LRP11: variants seen among roughly 807,000 people sequenced by gnomAD.
LRP11 encodes low-density lipoprotein receptor-related protein 11.
In LRP11, 25 loss-of-function variants were observed where a neutral mutation model predicts 43.1. The observed-to-expected ratio is 0.58, with a 90% CI of 0.42 to 0.81. The LOEUF (loss-of-function observed/expected upper bound fraction) is 0.81. LRP11 is among the 30% of genes least tolerant of loss of function. LRP11 has a pLI of 0.00. For missense variants in LRP11, 623 were observed against 665.1 expected, an observed-to-expected ratio of 0.94 and a Z score of 0.70; for synonymous variants, 316 against 299.4, an observed-to-expected ratio of 1.06 and a Z score of -0.57.
Position 149,832,869 on chromosome 6 carries a change from T to G in LRP11, c.1252+3216A>C, listed in dbSNP as rs866721998. 2.1e-4 allele frequency among the ~76,000 whole-genome samples: 31 copies of G among 150,868 alleles called. 1 individual carries two copies. In the Middle Eastern group the frequency reaches 0.028, roughly 135 times the overall value. ...TGTCGCCCAGGCTGGAGTGCAGTGG[T>G]GCGATCTTGGCTCACTGCAAGCTCC... is the stretch of plus-strand genomic sequence containing the variant. On this transcript the variant is annotated intron_variant, in intron 5 of 6. Transcript: ENST00000239367.
chr6:149,826,070 T>C lies in LRP11; in HGVS notation c.1348+194A>G. On this transcript the variant is annotated intron_variant, in intron 6 of 6. Transcript: ENST00000239367. ...GGGTGTATAGAAAAGGCAGCTGAGGTCCAAAGATGGAAGGTTACTATCAGG... is the reference window on the plus strand; with the variant it reads ...GGGTGTATAGAAAAGGCAGCTGAGGCCCAAAGATGGAAGGTTACTATCAGG... 4 of 573,504 alleles carry C rather than the reference T, an allele frequency of 7.0e-6. No homozygotes were observed. The South Asian group carries it at 9.1e-5, about 13-fold the overall frequency. The allele number at this position is 573,504 out of a possible 1,614,324, so 35.5% of individuals were successfully genotyped here.
chr6:149,828,133 G>A (rs557103166), intron 5 of LRP11, among the ~76,000 whole-genome samples: 1 of 151,976 alleles, frequency 6.6e-6, no homozygotes, highest in Non-Finnish European at 1.5e-5. Flanking sequence ...GGAGGGTGCA[G>A]TGAGCCAAGA....
intron 1 of LRP11, among the ~76,000 whole-genome samples, chr6:149,861,697 T>C (rs1440292023): frequency 6.6e-6 from 1 of 151,290 alleles, no homozygotes; most frequent in Non-Finnish European, 1.5e-5. Flanking sequence ...TGTTTATTTC[T>C]TTTTAGCAAA....
At chr6:149,832,665 G>A (rs980838952) in intron 5 of LRP11, among the ~76,000 whole-genome samples, 4 of 149,354 alleles carry the variant, frequency 2.7e-5, no homozygotes, top group Non-Finnish European at 5.9e-5. Flanking sequence ...CTGTTGCTCA[G>A]GCTGGAGTGC....
chr6:149,851,994 G>A (rs111267911), intron 2 of LRP11, among the ~76,000 whole-genome samples: 4,024 of 152,206 alleles, frequency 0.026, 157 homozygotes, highest in African/African-American at 0.091. Context: ...CAGATCTTGC[G>A]AGAACTCACT....
intron 2 of LRP11, among the ~76,000 whole-genome samples, chr6:149,847,058 C>A (rs1191472576): frequency 6.6e-6 from 1 of 152,018 alleles, no homozygotes; most frequent in Non-Finnish European, 1.5e-5. Flanking sequence ...GGTGTACCAT[C>A]CATGAGGCTG....
chr6:149,845,820 T>C (rs1365285078), intron 2 of LRP11, among the ~76,000 whole-genome samples: 1 of 151,764 alleles, frequency 6.6e-6, no homozygotes, highest in Non-Finnish European at 1.5e-5. Flanking sequence ...GAGAATCAGA[T>C]AAATAAGAGT....
chr6:149,864,314 A>T lies in LRP11; in HGVS notation c.-294T>A, dbSNP rs1777005385. ...CCGGCCTGCGGCGCGCTGGGTGGCG[A>T]CGAGTCGGCCTCGGCGTTGATCAGC... On this transcript the variant is annotated 5_prime_UTR_variant, in exon 1 of 7. Transcript: ENST00000239367. 1.9e-6 allele frequency: 2 copies of T among 1,029,434 alleles called. No homozygotes were observed. The highest frequency in any genetic ancestry group is 4.6e-5 in the South Asian group (1 of 21,710). The allele number at this position is 1,029,434 out of a possible 1,614,324, so 63.8% of individuals were successfully genotyped here.
intron 5 of LRP11, among the ~76,000 whole-genome samples, chr6:149,830,346 T>C (rs1219716003): frequency 6.6e-6 from 1 of 152,002 alleles, no homozygotes; most frequent in Non-Finnish European, 1.5e-5. Context: ...GGAAATGAAG[T>C]TTAGAGAAGT....
rs1776993117 is a variant in LRP11, at chr6:149,864,026, C to G, written c.-6G>C. The G allele has an allele frequency of 1.5e-6, 2 of 1,332,446 alleles. No individual in the cohort carries two copies. The highest frequency in any genetic ancestry group is 1.9e-6 in the Non-Finnish European group (2 of 1,050,094). The allele number at this position is 1,332,446 out of a possible 1,614,324, so 82.5% of individuals were successfully genotyped here. On this transcript the variant is annotated 5_prime_UTR_variant, in exon 1 of 7. Transcript: ENST00000239367. ...TCCTGGGCGACGGAGGCCATGGCGA[C>G]GAGAGCCAAGGGCAGCGAGCCGAGG...
At chr6:149,842,854 A>G (rs1456278772) in intron 3 of LRP11, 129 bp downstream of exon 3, 3 of 1,237,068 alleles carry the variant, frequency 2.4e-6, no homozygotes, top group Non-Finnish European at 3.4e-6. Flanking sequence ...TTTAGCAAAG[A>G]CTCTCTCATT....
intron 6 of LRP11, among the ~76,000 whole-genome samples, 182 bp from the exon 7 acceptor site, chr6:149,820,885 G>A (rs1776269713): frequency 6.6e-6 from 1 of 150,814 alleles, no homozygotes. Context: ...TTGCTTATTT[G>A]CCTAGGAGGC....
chr6:149,824,374 GA>G (rs1776312745), intron 6 of LRP11, among the ~76,000 whole-genome samples: 1 of 152,184 alleles, frequency 6.6e-6, no homozygotes, highest in South Asian at 2.1e-4. Flanking sequence ...CAAGGAAAAT[GA>G]AATCTCCCAA....
rs1412214671 is a variant in LRP11, at chr6:149,843,198, A to G, written c.772-74T>C. 1.9e-6 allele frequency: 3 copies of G among 1,575,880 alleles called. No individual in the cohort carries two copies. In the African/African-American group the frequency reaches 4.0e-5, roughly 21 times the overall value. ...GAGCCCAACACCATCCTCAACCGAA[A>G]GTCCATGTCCTCAGAGCAGCCCCAG... is the stretch of plus-strand genomic sequence containing the variant. On this transcript the variant is annotated intron_variant, in intron 2 of 6. Coordinates refer to ENST00000239367, the MANE Select transcript of LRP11 (RefSeq NM_032832.6).
chr6:149,826,119 A>G, intron 6 of LRP11, 145 bp downstream of exon 6: 1 of 736,758 alleles, frequency 1.4e-6, no homozygotes, highest in Non-Finnish European at 2.5e-6. Context: ...AGTGCAATAC[A>G]AGCAACGAGG....
At chr6:149,857,254 G>A (rs1312236417) in intron 1 of LRP11, among the ~76,000 whole-genome samples, 3 of 152,132 alleles carry the variant, frequency 2.0e-5, no homozygotes, top group South Asian at 2.1e-4. Flanking sequence ...AGACGCGGCC[G>A]GGTGTGGTGA....
At chr6:149,856,857 G>GA (rs1215688517) in intron 1 of LRP11, among the ~76,000 whole-genome samples, 2 of 152,184 alleles carry the variant, frequency 1.3e-5, no homozygotes, top group Non-Finnish European at 2.9e-5. Context: ...AGAGCAACTG[G>GA]AAAGAACCCT....
rs9322225 is a variant in LRP11, at chr6:149,863,746, G to C, written c.275C>G (p.Pro92Arg). The C allele has an allele frequency of 0.4, 595,482 of 1,474,974 alleles. 123,873 individuals carry two copies. Among genetic ancestry groups the C allele is most frequent in the East Asian group, 0.79 (27,331 of 34,414 alleles). The allele number at this position is 1,474,974 out of a possible 1,614,324, so 91.4% of individuals were successfully genotyped here. The part of the protein sequence containing the change: ...GGGPQEDCPG[P>R]GSGGYSAMPD... ...CATTGCGCTGTAGCCGCCGCTGCCCGGGCCCGGGCAGTCCTCCTGGGGGCC... is the reference window on the plus strand; with the variant it reads ...CATTGCGCTGTAGCCGCCGCTGCCCCGGCCCGGGCAGTCCTCCTGGGGGCC... Residue 92 changes from proline to arginine, a missense_variant, in exon 1 of 7, where the codon CCG (proline) becomes CGG (arginine). By Grantham distance (103) the Pro-to-Arg change is moderately radical. Transcript: ENST00000239367.
intron 5 of LRP11, among the ~76,000 whole-genome samples, chr6:149,832,765 T>C (rs9322224): frequency 0.54 from 81,026 of 151,372 alleles, 24,879 homozygotes; most frequent in East Asian, 0.83. Context: ...GGACTACAGG[T>C]GCCCGCCACC....
Sources: allele counts gnomAD v4.1 joint callset (sites outside exome capture counted in the v4.1 genomes callset), GRCh38; gene constraint gnomAD v4.1.1; transcripts MANE v1.5; gene names NCBI Gene and HGNC (gene_info 2026-07-23, HGNC 2026-07-21).